The following OLA1 variants were observed in gnomAD, a reference collection of about 807,000 sequenced individuals.
OLA1 encodes the protein Obg like ATPase 1.
In OLA1, 14 loss-of-function variants were observed where a neutral mutation model predicts 48.4. The observed-to-expected ratio is 0.29, with a 90% CI of 0.19 to 0.45. The LOEUF is 0.45. Among genes scored for constraint, OLA1 ranks in the 20% least tolerant of loss-of-function variants. The pLI is 1.00. For synonymous variants in OLA1, 127 were observed against 150.4 expected, an observed-to-expected ratio of 0.84 and a Z score of 1.14; for missense variants, 325 against 467.1, an observed-to-expected ratio of 0.70 and a Z score of 2.80.
intron 4 of OLA1, chr2:174,172,207 C>G (rs1379767840): frequency 4.6e-6 from 1 of 216,634 alleles, no homozygotes; most frequent in East Asian, 1.1e-4. Context: ...GTGGAGGCAG[C>G]CAGTACTGCA....
chr2:174,242,741 AAAG>A (rs1689032788), intron 2 of OLA1, among the ~76,000 whole-genome samples: 1 of 152,216 alleles, frequency 6.6e-6, no homozygotes, highest in Admixed American at 6.5e-5. Flanking sequence ...TCACAGAAAT[AAAG>A]AAGTTTGGAA....
At chr2:174,095,339 TTTTTTTTTTTG>T (rs1233045213) in intron 7 of OLA1, among the ~76,000 whole-genome samples, 1 of 125,348 alleles carries the variant, frequency 8.0e-6, no homozygotes, top group Non-Finnish European at 1.8e-5. Flanking sequence ...TTTTTTTTTT[TTTTTTTTTTTG>T]TTGTTGTTGT....
At chr2:174,111,144 ACTCT>A (rs1042385419) in intron 7 of OLA1, among the ~76,000 whole-genome samples, 7 of 152,166 alleles carry the variant, frequency 4.6e-5, no homozygotes, top group Non-Finnish European at 8.8e-5. Flanking sequence ...GAAAATCATT[ACTCT>A]CTCTGACAGG....
At chr2:174,116,009 AG>A (rs998195923) in intron 7 of OLA1, among the ~76,000 whole-genome samples, 6 of 152,250 alleles carry the variant, frequency 3.9e-5, no homozygotes, top group African/African-American at 1.4e-4. Context: ...TTGCTTAAAA[AG>A]GAAAAAGAAA....
chr2:174,142,778 G>T (rs1215958794), intron 4 of OLA1, among the ~76,000 whole-genome samples: 1 of 152,004 alleles, frequency 6.6e-6, no homozygotes, highest in East Asian at 1.9e-4. Flanking sequence ...TAATTCAACT[G>T]GGATTTACTC....
chr2:174,082,081 G>A lies in OLA1; in HGVS notation c.729-17C>T. On this transcript the variant is annotated splice_polypyrimidine_tract_variant and intron_variant, in intron 7 of 10. Transcript: ENST00000284719. ...TTTATCAACCTGTAGACAAAAAAGG[G>A]CACAACATTATCTTGTAGTGCATGC... 1 of 1,612,278 alleles carries A rather than the reference G, an allele frequency of 6.2e-7. No individual in the cohort carries two copies.
intron 7 of OLA1, among the ~76,000 whole-genome samples, chr2:174,111,125 A>G (rs1031140260): frequency 5.9e-5 from 9 of 152,198 alleles, no homozygotes; most frequent in Non-Finnish European, 1.2e-4. Flanking sequence ...AATTCTCATA[A>G]TTCTATAAGA....
chr2:174,242,135 C>T (rs148570379), intron 2 of OLA1, among the ~76,000 whole-genome samples: 6 of 152,346 alleles, frequency 3.9e-5, no homozygotes, highest in African/African-American at 1.4e-4. Flanking sequence ...GCCTGGAATT[C>T]ACAACACCTT....
At position 174,240,360 on chromosome 2, in the gene OLA1, A is replaced by T. The variant is rs111867579; in HGVS notation, c.101+6355T>A. 3.7e-3 allele frequency: 568 copies of T among 152,404 alleles called. 2 individuals carry two copies. The highest frequency in any genetic ancestry group is 7.2e-3 in the South Asian group (35 of 4,830). The allele number at this position is 152,404 out of a possible 1,614,324, so 9.4% of individuals were successfully genotyped here. On this transcript the variant is annotated intron_variant, in intron 2 of 10. Coordinates refer to ENST00000284719, the MANE Select transcript of OLA1 (RefSeq NM_013341.5). Reference sequence around the variant, plus strand: ...CTGTGGGTGGCGTTGCAGACACCCAATCAGCATAGCACAACACAGCCCAGA... The same window carrying T: ...CTGTGGGTGGCGTTGCAGACACCCATTCAGCATAGCACAACACAGCCCAGA...
intron 3 of OLA1, among the ~76,000 whole-genome samples, chr2:174,227,095 A>G (rs937683822): frequency 1.4e-5 from 2 of 145,444 alleles, no homozygotes; most frequent in Non-Finnish European, 3.0e-5. Context: ...TTCTGTCTTT[A>G]AAAAAAAAAA....
intron 7 of OLA1, among the ~76,000 whole-genome samples, chr2:174,087,913 A>AT (rs1259220546): frequency 6.6e-6 from 1 of 152,132 alleles, no homozygotes; most frequent in Non-Finnish European, 1.5e-5. Flanking sequence ...CTCAAATCTG[A>AT]TTTTTTTAAT....
intron 4 of OLA1, among the ~76,000 whole-genome samples, chr2:174,150,533 T>C (rs1030573702): frequency 2.0e-5 from 3 of 152,258 alleles, no homozygotes; most frequent in Admixed American, 6.5e-5. Context: ...TAAGAGGGTA[T>C]GTAATCAAAA....
intron 4 of OLA1, among the ~76,000 whole-genome samples, chr2:174,157,724 G>A (rs978146471): frequency 1.3e-5 from 2 of 152,098 alleles, no homozygotes; most frequent in Non-Finnish European, 2.9e-5. Flanking sequence ...TATAGAAGGG[G>A]AAATACAGAA....
chr2:174,227,232 C>T (rs1035174284), intron 3 of OLA1, among the ~76,000 whole-genome samples: 2 of 152,022 alleles, frequency 1.3e-5, no homozygotes, highest in African/African-American at 4.8e-5. Context: ...ACAGCAAGAC[C>T]CCATCTCTAT....
chr2:174,227,849 C>CA (rs1163397922), intron 3 of OLA1, among the ~76,000 whole-genome samples: 4 of 151,958 alleles, frequency 2.6e-5, no homozygotes, highest in African/African-American at 9.7e-5. Flanking sequence ...ATTAATTCAT[C>CA]AAAAAAATCA....
At chr2:174,226,563 C>T (rs1338908119) in intron 3 of OLA1, among the ~76,000 whole-genome samples, 1 of 151,876 alleles carries the variant, frequency 6.6e-6, no homozygotes, top group Non-Finnish European at 1.5e-5. Flanking sequence ...GTAATGGCGC[C>T]ATCTTGGCTC....
At chr2:174,128,156 G>A (rs1182049133) in intron 5 of OLA1, among the ~76,000 whole-genome samples, 1 of 151,962 alleles carries the variant, frequency 6.6e-6, no homozygotes, top group African/African-American at 2.4e-5. Context: ...ATTTTGGGAG[G>A]CTGAGGCAGG....
chr2:174,221,799 A>G (rs1328433474), intron 4 of OLA1, among the ~76,000 whole-genome samples: 1 of 152,070 alleles, frequency 6.6e-6, no homozygotes, highest in African/African-American at 2.4e-5. Context: ...GTCACACTTC[A>G]CTCTACCTTC....
intron 4 of OLA1, among the ~76,000 whole-genome samples, chr2:174,181,744 T>G (rs1035477712): frequency 2.6e-5 from 4 of 152,222 alleles, no homozygotes; most frequent in African/African-American, 9.6e-5. Flanking sequence ...CTTACCTCCT[T>G]CAGTTATTTA....
Sources: allele counts gnomAD v4.1 joint callset (sites outside exome capture counted in the v4.1 genomes callset), GRCh38; gene constraint gnomAD v4.1.1; transcripts MANE v1.5; gene names NCBI Gene and HGNC (gene_info 2026-07-23, HGNC 2026-07-21).